PTPRM: variants seen among roughly 807,000 people sequenced by gnomAD.
PTPRM encodes the protein protein tyrosine phosphatase receptor type M, also known as receptor-type tyrosine-protein phosphatase mu.
A neutral mutation model predicts 186.7 loss-of-function variants in PTPRM; 47 were observed. The ratio of observed to expected loss-of-function variants is 0.25; its 90% CI spans 0.20 to 0.32. PTPRM has a LOEUF of 0.32. Ranked by LOEUF, PTPRM falls within the 10% of genes least tolerant of loss-of-function variation. The pLI is 1.00. For synonymous variants in PTPRM, 668 were observed against 674.9 expected (o/e 0.99, Z 0.16); for missense variants, 1,494 against 1,865.0 (o/e 0.80, Z 3.66).
chr18:7,697,229 T>C (rs1221190261), intron 1 of PTPRM, among the ~76,000 whole-genome samples: 1 of 152,204 alleles, frequency 6.6e-6, no homozygotes, highest in Non-Finnish European at 1.5e-5. Flanking sequence ...TTTAGCTCGA[T>C]GAAGCAGTTT....
intron 1 of PTPRM, among the ~76,000 whole-genome samples, chr18:7,730,637 A>G (rs1378832134): frequency 6.6e-6 from 1 of 152,226 alleles, no homozygotes. Context: ...TGTATTGCTC[A>G]GAAACATGAA....
intron 20 of PTPRM, among the ~76,000 whole-genome samples, chr18:8,303,212 T>G (rs936502786): frequency 1.3e-5 from 2 of 152,066 alleles, no homozygotes; most frequent in Non-Finnish European, 2.9e-5. Context: ...AGTGTCCTGT[T>G]GGTAGATCTA....
intron 1 of PTPRM, among the ~76,000 whole-genome samples, chr18:7,736,137 T>G (rs186152818): frequency 2.4e-4 from 36 of 151,996 alleles, no homozygotes; most frequent in African/African-American, 8.7e-4. Flanking sequence ...TTTTATAGAG[T>G]TTGGCTTTTT....
chr18:8,375,818 T>C (rs138758573), intron 24 of PTPRM, among the ~76,000 whole-genome samples: 1,686 of 152,288 alleles, frequency 0.011, 9 homozygotes, highest in Non-Finnish European at 0.018. Flanking sequence ...AAAATTAGCA[T>C]TTTCCCCAAA....
At chr18:7,630,986 G>A (rs1212648242) in intron 1 of PTPRM, among the ~76,000 whole-genome samples, 1 of 152,142 alleles carries the variant, frequency 6.6e-6, no homozygotes, top group African/African-American at 2.4e-5. Context: ...CTGTGCCCAG[G>A]ATCTGATTTC....
At chr18:8,224,540 A>G (rs954471247) in intron 14 of PTPRM, among the ~76,000 whole-genome samples, 1 of 152,178 alleles carries the variant, frequency 6.6e-6, no homozygotes, top group African/African-American at 2.4e-5. Context: ...GCTGGTTCTG[A>G]CTCAGCTTGT....
chr18:7,929,898 T>C (rs62090937), intron 5 of PTPRM, among the ~76,000 whole-genome samples: 13,741 of 152,290 alleles, frequency 0.09, 663 homozygotes, highest in Middle Eastern at 0.26. Context: ...CCTGTCTGCG[T>C]GTAAACTCAT....
At chr18:8,342,102 G>A (rs2095478364) in intron 22 of PTPRM, among the ~76,000 whole-genome samples, 1 of 152,184 alleles carries the variant, frequency 6.6e-6, no homozygotes, top group Non-Finnish European at 1.5e-5. Context: ...AGAAAGGAAG[G>A]AGGCCTGGAC....
chr18:8,358,343 G>T (rs957962505), intron 23 of PTPRM, among the ~76,000 whole-genome samples: 1 of 151,868 alleles, frequency 6.6e-6, no homozygotes, highest in Non-Finnish European at 1.5e-5. Context: ...TTGCTTTGTT[G>T]GGAGCAGGAA....
At chr18:7,715,091 C>T (rs1327870679) in intron 1 of PTPRM, among the ~76,000 whole-genome samples, 2 of 152,148 alleles carry the variant, frequency 1.3e-5, no homozygotes, top group Admixed American at 6.5e-5. Flanking sequence ...TGATGAACAT[C>T]GATGCGAAAA....
intron 1 of PTPRM, among the ~76,000 whole-genome samples, chr18:7,771,238 G>A (rs1400907548): frequency 6.6e-6 from 1 of 152,176 alleles, no homozygotes; most frequent in Non-Finnish European, 1.5e-5. Flanking sequence ...TTTCATCTGA[G>A]TGCTATCTGT....
At chr18:7,689,917 A>G (rs951613130) in intron 1 of PTPRM, among the ~76,000 whole-genome samples, 16 of 152,224 alleles carry the variant, frequency 1.1e-4, no homozygotes, top group Admixed American at 1.3e-4. Context: ...ATTATCCTTT[A>G]TCACTCATTG....
chr18:8,213,081 G>A (rs1014413509), intron 14 of PTPRM, among the ~76,000 whole-genome samples: 2 of 152,328 alleles, frequency 1.3e-5, no homozygotes, highest in Non-Finnish European at 2.9e-5. Context: ...GACGGACAGA[G>A]CTTGATGCAC....
intron 1 of PTPRM, among the ~76,000 whole-genome samples, chr18:7,727,465 T>G (rs2040573563): frequency 1.3e-5 from 2 of 152,220 alleles, no homozygotes; most frequent in African/African-American, 2.4e-5. Context: ...CTCAGATAAA[T>G]TTTTGCTTAG....
At chr18:7,706,601 CAAAAAAAAAAAAAAAAA>C (rs766639399) in intron 1 of PTPRM, among the ~76,000 whole-genome samples, 1 of 16,130 alleles carries the variant, frequency 6.2e-5, no homozygotes, top group African/African-American at 1.9e-4. Flanking sequence ...GACCTTGTCT[CAAAAAAAAAAAAAAAAA>C]AAAAAAAAAA....
At chr18:8,358,234 G>A (rs1024354776) in intron 23 of PTPRM, among the ~76,000 whole-genome samples, 1 of 137,840 alleles carries the variant, frequency 7.3e-6, no homozygotes, top group Non-Finnish European at 1.6e-5. Flanking sequence ...CTTCCCAAAT[G>A]TATGCACATG....
intron 7 of PTPRM, among the ~76,000 whole-genome samples, chr18:8,038,769 C>T (rs936060858): frequency 1.3e-5 from 2 of 152,112 alleles, no homozygotes; most frequent in African/African-American, 4.8e-5. Flanking sequence ...TTCCAGCAGC[C>T]CTTTAGTCAG....
chr18:8,348,414 C>CA (rs2095517233), intron 23 of PTPRM, among the ~76,000 whole-genome samples: 1 of 152,236 alleles, frequency 6.6e-6, no homozygotes, highest in South Asian at 2.1e-4. Flanking sequence ...CAGGACCTGT[C>CA]ATTATCTAAG....
At chr18:7,986,562 T>C (rs2082976532) in intron 7 of PTPRM, among the ~76,000 whole-genome samples, 2 of 152,320 alleles carry the variant, frequency 1.3e-5, no homozygotes, top group South Asian at 4.1e-4. Context: ...GGCCGGTGAA[T>C]GAAGGTGTCA....
Sources: allele counts gnomAD v4.1 joint callset (sites outside exome capture counted in the v4.1 genomes callset), GRCh38; gene constraint gnomAD v4.1.1; transcripts MANE v1.5; gene names NCBI Gene and HGNC (gene_info 2026-07-23, HGNC 2026-07-21).